MYO18A: variants seen among roughly 807,000 people sequenced by gnomAD.
MYO18A encodes the protein myosin XVIIIA, also known as unconventional myosin-XVIIIa.
A neutral mutation model predicts 235.8 loss-of-function variants in MYO18A; 78 were observed. That is an observed-to-expected ratio of 0.33 (90% CI 0.28 to 0.40). The LOEUF is 0.40. Among genes scored for constraint, MYO18A ranks in the 10% least tolerant of loss-of-function variants. The pLI is 1.00. For synonymous variants in MYO18A, 977 were observed against 1,077.8 expected (o/e 0.91, Z 1.83); for missense variants, 2,215 against 2,699.3 (o/e 0.82, Z 3.98).
At chr17:29,144,855 T>C (rs1213821874) in intron 2 of MYO18A, among the ~76,000 whole-genome samples, 1 of 152,064 alleles carries the variant, frequency 6.6e-6, no homozygotes, top group Non-Finnish European at 1.5e-5. Flanking sequence ...AAGGCAAAAA[T>C]AGAATATAGT....
At chr17:29,087,287 A>G (rs1319485599) in intron 37 of MYO18A, among the ~76,000 whole-genome samples, 166 bp from the exon 38 acceptor site, 1 of 152,144 alleles carries the variant, frequency 6.6e-6, no homozygotes, top group African/African-American at 2.4e-5. Context: ...CTTTTCTGTA[A>G]AATGTGGGGA....
At chr17:29,123,245 C>T (rs528877985) in intron 2 of MYO18A, among the ~76,000 whole-genome samples, 1 of 152,286 alleles carries the variant, frequency 6.6e-6, no homozygotes, top group East Asian at 1.9e-4. Flanking sequence ...GCCCATCGGG[C>T]TCCTCTTGTT....
Position 29,140,439 on chromosome 17 carries a change from C to T in MYO18A, c.1000-18186G>A. ...CAAAATAGCACAGGCTGTGGCCCCG[C>T]CCAGTTCCCGCCCTCTCCCCGGCCC... On this transcript the variant is annotated intron_variant, in intron 2 of 41. Transcript: ENST00000527372. This position sits in a 1 kb window ranked among gnomAD's most constrained non-coding sequence, Gnocchi z 4.2. The T allele has an allele frequency of 3.2e-6, 4 of 1,251,694 alleles. No homozygotes were observed. The highest frequency in any genetic ancestry group is 4.1e-6 in the Non-Finnish European group (4 of 971,196). The allele number at this position is 1,251,694 out of a possible 1,614,324, so 77.5% of individuals were successfully genotyped here.
In MYO18A at chr17:29,110,150, CAGA is replaced by C. The variant is rs140129224; in HGVS notation, c.3088-52_3088-50del. 8.7e-4 allele frequency: 1,383 copies of C among 1,585,604 alleles called. 18 individuals are homozygous for C. The African/African-American group carries it at 0.016, about 18-fold the overall frequency. ...TCAGTGGGCTCTGATGGCCTGTGCT[CAGA>C]AGAGCAGGGACTGGTGCCAGCGTCT... On this transcript the variant is annotated intron_variant, in intron 18 of 41. Coordinates refer to ENST00000527372, the MANE Select transcript of MYO18A (RefSeq NM_078471.4).
In MYO18A at chr17:29,115,718, G is replaced by T; in HGVS notation, c.2173C>A (p.Arg725Ser). Residue 725 changes from arginine (R) to serine (S), a missense_variant, in exon 12 of 42, where the codon CGC (arginine) becomes AGC (serine). Coordinates refer to ENST00000527372, the MANE Select transcript of MYO18A (RefSeq NM_078471.4). ...KHQHKGGTLQ[R>S]STSFRQGPEE... Reference sequence around the variant, plus strand: ...GGGCCCTGGCGGAAGGAGGTGGAGCGCTGCAGGGTGCCACCCTTGTGCTGG... The same window carrying T: ...GGGCCCTGGCGGAAGGAGGTGGAGCTCTGCAGGGTGCCACCCTTGTGCTGG... 6.2e-7 allele frequency: 1 copy of T among 1,604,900 alleles called. No homozygotes were observed.
At position 29,114,069 on chromosome 17, in the gene MYO18A, A is replaced by G. The variant is rs915408479; in HGVS notation, c.2540T>C (p.Leu847Ser). 26 of 1,601,936 alleles carry G rather than the reference A, an allele frequency of 1.6e-5. No homozygotes were observed. The highest frequency in any genetic ancestry group is 2.0e-5 in the Non-Finnish European group (23 of 1,174,642). ...CACAGAGTCATCCGTCGGGGGTTCC[A>G]AGTCGTCAAACGCCAGCTCGATGTT... is the stretch of plus-strand genomic sequence containing the variant. ...EENIELAFDD[L>S]EPPTDDSVAA... is the part of the protein sequence containing the mutation. The change falls in exon 15 of 42, where the codon TTG becomes TCG. Residue 847 changes from leucine (L) to serine (S), a missense_variant. Transcript: ENST00000527372.
intron 37 of MYO18A, among the ~76,000 whole-genome samples, chr17:29,087,487 C>T (rs1239926677): frequency 5.9e-5 from 9 of 152,038 alleles, no homozygotes; most frequent in African/African-American, 9.7e-5. Flanking sequence ...CAGGGCTTCC[C>T]GCAGGGACTC....
intron 1 of MYO18A, among the ~76,000 whole-genome samples, chr17:29,167,326 G>T (rs1393186049): frequency 6.6e-6 from 1 of 152,184 alleles, no homozygotes; most frequent in Non-Finnish European, 1.5e-5. Context: ...ATCTTTGATA[G>T]ACCAAGGCTT....
Position 29,106,999 on chromosome 17 carries a change from A to C in MYO18A, c.3441+81T>G, listed in dbSNP as rs2066803195. ...GGGCCAGATGAGCTGTCTCCAGGGAAGGGAAGGCAGATGAGTCTGGAAAGG... is the reference window on the plus strand; with the variant it reads ...GGGCCAGATGAGCTGTCTCCAGGGACGGGAAGGCAGATGAGTCTGGAAAGG... On this transcript the variant is annotated intron_variant, in intron 20 of 41. Coordinates refer to ENST00000527372, the MANE Select transcript of MYO18A (RefSeq NM_078471.4). The surrounding 1 kb of genome is among the most constrained non-coding windows in gnomAD (Gnocchi z 4.6). 1.5e-6 allele frequency: 2 copies of C among 1,322,758 alleles called. No homozygotes were observed. Among genetic ancestry groups the C allele is most frequent in the Non-Finnish European group, 2.2e-6 (2 of 920,020 alleles). The allele number at this position is 1,322,758 out of a possible 1,614,324, so 81.9% of individuals were successfully genotyped here.
rs1161980433 is a variant in MYO18A at position 29,118,008 on chromosome 17, G to A, written c.2038+37C>T. On this transcript the variant is annotated intron_variant, in intron 10 of 41. Transcript: ENST00000527372. The surrounding 1 kb of genome is among the most constrained non-coding windows in gnomAD (Gnocchi z 4.2). The stretch of plus-strand genomic sequence containing the variant: ...GCAGGGTCCCTGTGAGGTCACCCAG[G>A]GGACAGGCCAGCCTACTGGGACCCA... 6.4e-7 allele frequency: 1 copy of A among 1,558,682 alleles called. No individual in the cohort carries two copies. The highest frequency in any genetic ancestry group is 1.9e-5 in the Admixed American group (1 of 52,172).
chr17:29,122,362 C>T (rs1383995688), intron 2 of MYO18A, 109 bp from the exon 3 acceptor site: 1 of 948,410 alleles, frequency 1.1e-6, no homozygotes, highest in Non-Finnish European at 1.6e-6. Context: ...AGCCACTGGG[C>T]AAGGAATGAG....
chr17:29,096,746 AG>A lies in MYO18A; in HGVS notation c.4385+14del. 1.3e-6 allele frequency: 2 copies of A among 1,587,310 alleles called. No homozygotes were observed. Among genetic ancestry groups the A allele is most frequent in the Admixed American group, 1.7e-5 (1 of 57,802 alleles). ...CCAGAAGGTTCTCTGGGCCCAGGGC[AG>A]GGGGCCCACCCACCTCCTCTGCTTC... On this transcript the variant is annotated intron_variant, in intron 28 of 41. Coordinates refer to ENST00000527372, the MANE Select transcript of MYO18A (RefSeq NM_078471.4).
intron 2 of MYO18A, among the ~76,000 whole-genome samples, chr17:29,153,049 C>T (rs917783391): frequency 6.6e-6 from 1 of 152,188 alleles, no homozygotes; most frequent in African/African-American, 2.4e-5. Flanking sequence ...TTTTGAGGCA[C>T]TGCTCTAAGT....
chr17:29,073,806 A>T lies in MYO18A; in HGVS notation c.*964T>A. 6.5e-7 allele frequency: 1 copy of T among 1,540,770 alleles called. No individual in the cohort carries two copies. Among genetic ancestry groups the T allele is most frequent in the Non-Finnish European group, 8.8e-7 (1 of 1,133,514 alleles). ...ACAGAGTGAGGACTCATGTCTAATG[A>T]GCACCGGCCAAAACTTCCATCTTCA... On this transcript the variant is annotated 3_prime_UTR_variant, in exon 42 of 42. Coordinates refer to ENST00000527372, the MANE Select transcript of MYO18A (RefSeq NM_078471.4).
At chr17:29,138,893 T>C (rs1285088860) in intron 2 of MYO18A, among the ~76,000 whole-genome samples, 3 of 152,160 alleles carry the variant, frequency 2.0e-5, no homozygotes, top group Non-Finnish European at 2.9e-5. Context: ...GAAGAGCAGC[T>C]TGGGAGGAAA....
In MYO18A at chr17:29,082,371, T is replaced by C. The variant is rs1207831859; in HGVS notation, c.5965A>G (p.Lys1989Glu). The C allele has an allele frequency of 6.2e-7, 1 of 1,613,886 alleles. No homozygotes were observed. Among genetic ancestry groups the C allele is most frequent in the Non-Finnish European group, 8.5e-7 (1 of 1,179,892 alleles). The change falls in exon 41 of 42, where the codon AAA becomes GAA. Residue 1989 changes from lysine to glutamate, a missense_variant. Coordinates refer to ENST00000527372, the MANE Select transcript of MYO18A (RefSeq NM_078471.4). ...GCTGCCTTGGAAGGTCCCTTGTTTT[T>C]TGACAACCAGGACTTGACCCCGTCA... is the stretch of plus-strand genomic sequence containing the variant. ...RVDGVKSWLS[K>E]NKGPSKAASD... is the part of the protein sequence containing the mutation.
chr17:29,176,877 G>A (rs1050686986), intron 1 of MYO18A: 1 of 152,100 alleles, frequency 6.6e-6, no homozygotes, highest in East Asian at 1.9e-4. Context: ...GCGTTTCCCC[G>A]CGGCTGGGCC....
At chr17:29,176,910 G>C (rs533456253) in intron 1 of MYO18A, among the ~76,000 whole-genome samples, 9 of 152,232 alleles carry the variant, frequency 5.9e-5, no homozygotes, top group Admixed American at 2.6e-4. Context: ...GCCCCGCGGC[G>C]CCTCCCGCTG....
chr17:29,166,477 G>T lies in MYO18A; in HGVS notation c.464C>A (p.Thr155Lys), dbSNP rs747144978. 1.2e-6 allele frequency: 2 copies of T among 1,613,694 alleles called. No homozygotes were observed. The highest frequency in any genetic ancestry group is 1.7e-6 in the Non-Finnish European group (2 of 1,179,854). The change falls in exon 2 of 42, where the codon ACG becomes AAG. Residue 155 changes from threonine (T) to lysine (K), a missense_variant. Coordinates refer to ENST00000527372, the MANE Select transcript of MYO18A (RefSeq NM_078471.4). ...GGGGGCGGCAGAGTGCTCTGAGGGC[G>T]TCGAGGTTTCTGAGGCGCTCTCATC... ...SRDESASETS[T>K]PSEHSAAPSP...
Sources: allele counts gnomAD v4.1 joint callset (sites outside exome capture counted in the v4.1 genomes callset), GRCh38; gene constraint gnomAD v4.1.1; non-coding constraint Gnocchi (gnomAD v3.1); transcripts MANE v1.5; gene names NCBI Gene and HGNC (gene_info 2026-07-23, HGNC 2026-07-21).